The following CHAF1A variants were observed in gnomAD, a reference collection of about 807,000 sequenced individuals.
The protein encoded by CHAF1A is chromatin assembly factor 1 subunit A, also known as CAF-1 subunit A.
A neutral mutation model predicts 93.2 loss-of-function variants in CHAF1A; 5 were observed. That is an observed-to-expected ratio of 0.05 (90% CI 0.03 to 0.11). CHAF1A has a LOEUF of 0.11. Among genes scored for constraint, CHAF1A ranks in the 10% least tolerant of loss-of-function variants. The pLI is 1.00. For missense variants in CHAF1A, 1,102 were observed against 1,259.9 expected, an observed-to-expected ratio of 0.87 and a Z score of 1.90; for synonymous variants, 504 against 510.3, an observed-to-expected ratio of 0.99 and a Z score of 0.17.
chr19:4,428,942 C>T, intron 8 of CHAF1A, 52 bp downstream of exon 8: 2 of 1,498,452 alleles, frequency 1.3e-6, no homozygotes, highest in South Asian at 2.3e-5. Flanking sequence ...TGGAGGCCAG[C>T]ATCCTGAACC....
intron 7 of CHAF1A, among the ~76,000 whole-genome samples, chr19:4,426,030 A>G (rs900810528): frequency 1.3e-5 from 2 of 150,590 alleles, no homozygotes; most frequent in African/African-American, 2.4e-5. Context: ...TGACTTGCCA[A>G]TTCCTATTTT....
At chr19:4,408,365 TG>T (rs1973721783) in intron 2 of CHAF1A, among the ~76,000 whole-genome samples, 1 of 151,396 alleles carries the variant, frequency 6.6e-6, no homozygotes, top group Non-Finnish European at 1.5e-5. Context: ...GCTAATTTTT[TG>T]TACTTTTAGT....
chr19:4,431,446 A>G (rs1974181414), intron 11 of CHAF1A, among the ~76,000 whole-genome samples: 1 of 151,890 alleles, frequency 6.6e-6, no homozygotes, highest in Non-Finnish European at 1.5e-5. Context: ...GCTTTCAAGC[A>G]AGTTGTTTTT....
downstream of CHAF1A, chr19:4,448,219 AGCAGGTAATGAGGGG>A (rs1974579304): frequency 9.0e-7 from 1 of 1,106,650 alleles, no homozygotes; most frequent in South Asian, 1.4e-5. Context: ...AACCCACCTC[AGCAGGTAATGAGGGG>A]GCCAGAGGGG....
At chr19:4,417,988 CGT>C in intron 3 of CHAF1A, 30 bp from the exon 4 acceptor site, 2 of 1,494,184 alleles carry the variant, frequency 1.3e-6, no homozygotes, top group Non-Finnish European at 1.8e-6. Flanking sequence ...TGAAATAACC[CGT>C]GTTTAAAGAT....
downstream of CHAF1A, chr19:4,448,226 A>G: frequency 4.4e-6 from 5 of 1,143,686 alleles, no homozygotes; most frequent in Non-Finnish European, 6.3e-6. Context: ...CTCAGCAGGT[A>G]ATGAGGGGGC....
chr19:4,427,362 C>T (rs1267342357), intron 7 of CHAF1A, among the ~76,000 whole-genome samples: 1 of 139,810 alleles, frequency 7.2e-6, no homozygotes, highest in Non-Finnish European at 1.5e-5. Flanking sequence ...TGGAGTCTTG[C>T]TCTATCCCCC....
At chr19:4,432,611 T>G (rs200400724) in intron 12 of CHAF1A, among the ~76,000 whole-genome samples, 1 of 151,522 alleles carries the variant, frequency 6.6e-6, no homozygotes, top group African/African-American at 2.4e-5. Context: ...AAATGCAAAA[T>G]TACCTGGGTG....
At chr19:4,416,640 T>G (rs985523482) in intron 3 of CHAF1A, among the ~76,000 whole-genome samples, 11 of 125,012 alleles carry the variant, frequency 8.8e-5, no homozygotes, top group African/African-American at 3.1e-4. Flanking sequence ...CCTGAATTCC[T>G]AGCACTTTGG....
downstream of CHAF1A, chr19:4,445,861 G>A (rs532149477): frequency 2.3e-5 from 25 of 1,075,516 alleles, no homozygotes; most frequent in South Asian, 8.1e-5. Flanking sequence ...AAACTGAGGC[G>A]TGGAGTAGTT....
At chr19:4,425,253 ATTAT>A (rs760954312) in intron 7 of CHAF1A, among the ~76,000 whole-genome samples, 6 of 152,070 alleles carry the variant, frequency 3.9e-5, no homozygotes, top group Non-Finnish European at 8.8e-5. Flanking sequence ...TTTTACAAAA[ATTAT>A]TTATTTATTT....
intron 13 of CHAF1A, among the ~76,000 whole-genome samples, chr19:4,438,608 G>A (rs1419359846): frequency 6.6e-6 from 1 of 152,252 alleles, no homozygotes; most frequent in East Asian, 1.9e-4. Context: ...TCGGGCCTCC[G>A]TTTTATTTAA....
At chr19:4,412,804 G>C (rs1052491058) in intron 3 of CHAF1A, among the ~76,000 whole-genome samples, 4 of 152,188 alleles carry the variant, frequency 2.6e-5, no homozygotes, top group Non-Finnish European at 5.9e-5. Flanking sequence ...CAACTTTTCA[G>C]ATAATTTACA....
intron 13 of CHAF1A, 75 bp from the exon 14 acceptor site, chr19:4,442,170 T>C: frequency 2.5e-6 from 3 of 1,214,570 alleles, no homozygotes; most frequent in South Asian, 1.2e-5. Flanking sequence ...ACCTGTGGAG[T>C]TCCCCCCGCT....
At position 4,442,905 on chromosome 19, in the gene CHAF1A, C is replaced by T. The variant is rs976997878; in HGVS notation, c.2771-20C>T. ...CAGAGGGCCCAGCCAGCTCAAGACC[C>T]TCCCTCTCTTGCCCTGCAGAGGTCC... is the stretch of plus-strand genomic sequence containing the variant. On this transcript the variant is annotated intron_variant, in intron 14 of 14. Coordinates refer to ENST00000301280, the MANE Select transcript of CHAF1A (RefSeq NM_005483.3). 1.9e-6 allele frequency: 3 copies of T among 1,541,362 alleles called. No homozygotes were observed. Among genetic ancestry groups the T allele is most frequent in the Admixed American group, 2.0e-5 (1 of 50,120 alleles).
chr19:4,424,353 T>C (rs1974042995), intron 7 of CHAF1A, among the ~76,000 whole-genome samples: 1 of 152,232 alleles, frequency 6.6e-6, no homozygotes, highest in South Asian at 2.1e-4. Context: ...TTAGGGGTCC[T>C]TCAGTGCCTT....
In CHAF1A at chr19:4,423,325, T is replaced by C; in HGVS notation, c.1248-10T>C. 6.2e-7 allele frequency: 1 copy of C among 1,614,094 alleles called. No homozygotes were observed. The highest frequency in any genetic ancestry group is 1.7e-5 in the Admixed American group (1 of 59,978). ...AAGAGTCGGCTGAAATGTCATTTGC[T>C]GTCTCACAGGGCTAAACTTGAGGAA... On this transcript the variant is annotated splice_polypyrimidine_tract_variant and intron_variant, in intron 5 of 14. Transcript: ENST00000301280.
chr19:4,415,758 A>G (rs1213854909), intron 3 of CHAF1A, among the ~76,000 whole-genome samples: 1 of 152,098 alleles, frequency 6.6e-6, no homozygotes, highest in Non-Finnish European at 1.5e-5. Context: ...CTTTCCCTAA[A>G]GAAAGGTTTA....
downstream of CHAF1A, chr19:4,446,421 C>A (rs200662399): frequency 1.9e-6 from 3 of 1,576,698 alleles, no homozygotes; most frequent in Non-Finnish European, 2.6e-6. Flanking sequence ...GACCTGCACA[C>A]GCGGGCCAGG....
Sources: allele counts gnomAD v4.1 joint callset (sites outside exome capture counted in the v4.1 genomes callset), GRCh38; gene constraint gnomAD v4.1.1; transcripts MANE v1.5; gene names NCBI Gene and HGNC (gene_info 2026-07-23, HGNC 2026-07-21).